The following SPAG9 variants were observed in gnomAD, a reference collection of about 807,000 sequenced individuals.
SPAG9 encodes C-Jun-amino-terminal kinase-interacting protein 4.
In SPAG9, 35 loss-of-function variants were observed where a neutral mutation model predicts 166.5. That is an observed-to-expected ratio of 0.21 (90% CI 0.16 to 0.28). SPAG9 has a LOEUF of 0.28. SPAG9 is among the 10% of genes least tolerant of loss of function. SPAG9 has a pLI of 1.00. For synonymous variants in SPAG9, 534 were observed against 565.5 expected, an observed-to-expected ratio of 0.94 and a Z score of 0.79; for missense variants, 1,235 against 1,603.3, an observed-to-expected ratio of 0.77 and a Z score of 3.92.
At chr17:51,019,681 C>T (rs71381329) in intron 8 of SPAG9, among the ~76,000 whole-genome samples, 35,202 of 151,946 alleles carry the variant, frequency 0.23, 4,882 homozygotes, top group Non-Finnish European at 0.31. Context: ...GGAGAAACCC[C>T]GTCTCTACTA....
chr17:51,026,445 T>C (rs2046177352), intron 6 of SPAG9, among the ~76,000 whole-genome samples: 1 of 151,964 alleles, frequency 6.6e-6, no homozygotes, highest in Non-Finnish European at 1.5e-5. Context: ...TAGATCTACT[T>C]AGAAGAAAAT....
At chr17:51,045,548 T>C (rs1799950442) in intron 4 of SPAG9, among the ~76,000 whole-genome samples, 1 of 152,128 alleles carries the variant, frequency 6.6e-6, no homozygotes, top group African/African-American at 2.4e-5. Flanking sequence ...AAGTTACTAC[T>C]TTAATTCTTC....
chr17:50,980,274 C>T (rs996241605), intron 25 of SPAG9, among the ~76,000 whole-genome samples: 13 of 151,960 alleles, frequency 8.6e-5, no homozygotes, highest in Admixed American at 4.6e-4. Context: ...GGCGCAATCT[C>T]GGCTCACTGC....
At chr17:51,063,575 G>A (rs549605929) in intron 2 of SPAG9, among the ~76,000 whole-genome samples, 2 of 152,154 alleles carry the variant, frequency 1.3e-5, no homozygotes, top group Admixed American at 1.3e-4. Flanking sequence ...ACTGAATTTT[G>A]CAACATCTAA....
chr17:50,975,207 A>C, intron 27 of SPAG9: 1 of 343,024 alleles, frequency 2.9e-6, no homozygotes, highest in South Asian at 5.9e-5. Flanking sequence ...ACATCTATTC[A>C]TTTAAAAAAT....
At chr17:51,069,375 A>G (rs1037894987) in intron 2 of SPAG9, among the ~76,000 whole-genome samples, 1 of 152,108 alleles carries the variant, frequency 6.6e-6, no homozygotes, top group African/African-American at 2.4e-5. Flanking sequence ...AAAGCACAGT[A>G]AAGGATCTGA....
chr17:51,074,031 T>C (rs919331877), intron 2 of SPAG9, among the ~76,000 whole-genome samples: 1 of 149,446 alleles, frequency 6.7e-6, no homozygotes, highest in Non-Finnish European at 1.5e-5. Context: ...GGTCAGGAGA[T>C]CGAGACCATC....
intron 1 of SPAG9, among the ~76,000 whole-genome samples, chr17:51,106,336 T>G (rs72826441): frequency 0.069 from 10,494 of 152,068 alleles, 394 homozygotes; most frequent in Non-Finnish European, 0.09. Context: ...TTAAAAAAAT[T>G]TTTAAGTAAA....
chr17:51,024,383 A>AT (rs1332783231), intron 6 of SPAG9, among the ~76,000 whole-genome samples: 1 of 152,196 alleles, frequency 6.6e-6, no homozygotes, highest in African/African-American at 2.4e-5. Flanking sequence ...ATATTGTACA[A>AT]TATATTTTAC....
intron 1 of SPAG9, among the ~76,000 whole-genome samples, chr17:51,080,485 C>T (rs1199711805): frequency 6.6e-6 from 1 of 152,078 alleles, no homozygotes; most frequent in African/African-American, 2.4e-5. Flanking sequence ...GCGTTAAGTA[C>T]GAACTATATG....
At chr17:50,999,592 G>C in intron 14 of SPAG9, 69 bp downstream of exon 14, 1 of 1,493,620 alleles carries the variant, frequency 6.7e-7, no homozygotes, top group South Asian at 1.2e-5. Context: ...AATCATTCTT[G>C]GAAATAAATT....
chr17:51,020,177 CT>C lies in SPAG9; in HGVS notation c.1072del (p.Ser358ValfsTer13). 6.2e-7 allele frequency: 1 copy of C among 1,610,978 alleles called. No homozygotes were observed. Among genetic ancestry groups the C allele is most frequent in the Non-Finnish European group, 8.5e-7 (1 of 1,177,176 alleles). ...ATGTTACCTTGAACCTTTATATCCA[CT>C]GAGATCTTTGTCCATATCCAGCTCA... ...TPELDMDKDL[S>X]GYKGSSTPTK... On this transcript the variant is annotated frameshift_variant, in exon 8 of 30. Transcript: ENST00000262013. LOFTEE classifies it high-confidence loss of function.
intron 4 of SPAG9, among the ~76,000 whole-genome samples, chr17:51,045,641 T>G (rs774895725): frequency 6.6e-6 from 1 of 152,110 alleles, no homozygotes; most frequent in Non-Finnish European, 1.5e-5. Context: ...CTATGAACTT[T>G]CATTTAAAAC....
intron 28 of SPAG9, among the ~76,000 whole-genome samples, chr17:50,972,123 T>C (rs1051167921): frequency 1.3e-5 from 2 of 152,218 alleles, no homozygotes; most frequent in East Asian, 1.9e-4. Context: ...CTCAAACTCC[T>C]GGGCTCAAGT....
intron 3 of SPAG9, among the ~76,000 whole-genome samples, chr17:51,053,855 G>GTATGTATATATA (rs1555650770): frequency 2.6e-5 from 1 of 37,748 alleles, no homozygotes; most frequent in African/African-American, 1.1e-4. Flanking sequence ...AAAAAAAAAA[G>GTATGTATATATA]TATATATATA....
At chr17:51,091,651 T>C (rs1321811552) in intron 1 of SPAG9, among the ~76,000 whole-genome samples, 1 of 148,454 alleles carries the variant, frequency 6.7e-6, no homozygotes, top group Non-Finnish European at 1.5e-5. Context: ...ACATACCCAC[T>C]TTTTTTTAAG....
intron 12 of SPAG9, among the ~76,000 whole-genome samples, chr17:51,004,479 T>G (rs1380581064): frequency 1.3e-5 from 2 of 152,216 alleles, no homozygotes; most frequent in Non-Finnish European, 2.9e-5. Context: ...GGCTCACATC[T>G]GTAATCCCAG....
intron 1 of SPAG9, among the ~76,000 whole-genome samples, chr17:51,119,033 C>CAAAAAAAAA (rs3079111): frequency 1.0e-5 from 1 of 96,260 alleles, no homozygotes; most frequent in African/African-American, 4.2e-5. Flanking sequence ...GACTACGTCT[C>CAAAAAAAAA]AAAAAAAAAA....
intron 14 of SPAG9, 140 bp downstream of exon 14, chr17:50,999,521 A>G: frequency 4.0e-6 from 6 of 1,489,106 alleles, no homozygotes; most frequent in Non-Finnish European, 5.3e-6. Flanking sequence ...AGTTCAGTTT[A>G]GCTACTTAAC....
Sources: allele counts gnomAD v4.1 joint callset (sites outside exome capture counted in the v4.1 genomes callset), GRCh38; gene constraint gnomAD v4.1.1; transcripts MANE v1.5; gene names NCBI Gene and HGNC (gene_info 2026-07-23, HGNC 2026-07-21).